SLC4A10: variants seen among roughly 807,000 people sequenced by gnomAD.
SLC4A10 encodes solute carrier family 4 member 10.
In SLC4A10, 42 loss-of-function variants were observed where a neutral mutation model predicts 137.7. The observed-to-expected ratio is 0.30, with a 90% CI of 0.24 to 0.39. SLC4A10 has a LOEUF of 0.39. Among genes scored for constraint, SLC4A10 ranks in the 10% least tolerant of loss-of-function variants. The pLI is 1.00. For synonymous variants in SLC4A10, 474 were observed against 464.1 expected (o/e 1.02, Z -0.27); for missense variants, 925 against 1,355.0 (o/e 0.68, Z 4.98).
intron 1 of SLC4A10, among the ~76,000 whole-genome samples, chr2:161,692,067 T>C (rs1259577011): frequency 1.3e-5 from 2 of 151,772 alleles, no homozygotes; most frequent in East Asian, 1.9e-4. Context: ...TTGGGGAAAA[T>C]TTTATTTAGG....
At chr2:161,755,430 A>G (rs1210960559) in intron 1 of SLC4A10, among the ~76,000 whole-genome samples, 1 of 152,148 alleles carries the variant, frequency 6.6e-6, no homozygotes, top group East Asian at 1.9e-4. Flanking sequence ...AACCTTTGGG[A>G]AGTTGAGTTT....
chr2:161,825,232 T>G (rs1199057261), intron 3 of SLC4A10, among the ~76,000 whole-genome samples: 1 of 152,192 alleles, frequency 6.6e-6, no homozygotes, highest in Non-Finnish European at 1.5e-5. Context: ...CTTTAAGACC[T>G]GTGTTATTCA....
intron 1 of SLC4A10, among the ~76,000 whole-genome samples, chr2:161,681,313 C>T (rs1284622850): frequency 6.6e-6 from 1 of 152,084 alleles, no homozygotes; most frequent in African/African-American, 2.4e-5. Context: ...GGCATTCATC[C>T]AGCTAGAATC....
At chr2:161,829,953 T>G (rs2058324497) in intron 3 of SLC4A10, among the ~76,000 whole-genome samples, 1 of 152,142 alleles carries the variant, frequency 6.6e-6, no homozygotes, top group African/African-American at 2.4e-5. Context: ...ATGGGGAAAC[T>G]GTCCCCATGA....
intron 1 of SLC4A10, among the ~76,000 whole-genome samples, chr2:161,646,729 A>G (rs1215795809): frequency 2.0e-5 from 3 of 152,016 alleles, no homozygotes; most frequent in Non-Finnish European, 4.4e-5. Context: ...TAACTAGAAA[A>G]TTATTTCTTC....
intron 1 of SLC4A10, among the ~76,000 whole-genome samples, chr2:161,629,291 A>G (rs1452622978): frequency 1.3e-5 from 2 of 151,324 alleles, no homozygotes; most frequent in Admixed American, 6.6e-5. Flanking sequence ...TCGCACCACA[A>G]ACAGTTGTCT....
intron 23 of SLC4A10, among the ~76,000 whole-genome samples, chr2:161,974,006 A>G (rs1698984475): frequency 6.6e-6 from 1 of 152,196 alleles, no homozygotes; most frequent in African/African-American, 2.4e-5. Context: ...TTTTTTATTG[A>G]GTGACATGAA....
chr2:161,740,032 C>T (rs1179650904), intron 1 of SLC4A10, among the ~76,000 whole-genome samples: 1 of 152,128 alleles, frequency 6.6e-6, no homozygotes, highest in Non-Finnish European at 1.5e-5. Flanking sequence ...GGCTACTGCC[C>T]ACAAGTCAGT....
At chr2:161,776,349 C>A (rs1366598202) in intron 2 of SLC4A10, among the ~76,000 whole-genome samples, 1 of 151,898 alleles carries the variant, frequency 6.6e-6, no homozygotes, top group Non-Finnish European at 1.5e-5. Flanking sequence ...GCTATACAAA[C>A]AATAACTCCC....
chr2:161,819,214 A>G (rs1300300633), intron 3 of SLC4A10, among the ~76,000 whole-genome samples: 4 of 152,076 alleles, frequency 2.6e-5, no homozygotes, highest in South Asian at 4.2e-4. Flanking sequence ...TGCTTACATC[A>G]TAGGAAAACA....
intron 1 of SLC4A10, among the ~76,000 whole-genome samples, chr2:161,670,293 T>TTCC (rs2039539637): frequency 3.4e-5 from 3 of 88,088 alleles, no homozygotes; most frequent in Non-Finnish European, 2.6e-5. Flanking sequence ...CTTCCTCCCT[T>TTCC]TCATCTTCTT....
At chr2:161,660,812 C>T (rs1336874411) in intron 1 of SLC4A10, among the ~76,000 whole-genome samples, 2 of 151,356 alleles carry the variant, frequency 1.3e-5, no homozygotes, top group Admixed American at 6.6e-5. Flanking sequence ...CACCACCACA[C>T]CCAGCTAATT....
intron 23 of SLC4A10, among the ~76,000 whole-genome samples, chr2:161,967,848 G>A (rs556941964): frequency 6.6e-6 from 1 of 151,726 alleles, no homozygotes; most frequent in South Asian, 2.1e-4. Context: ...CACAGTCTCC[G>A]AGAACCTATC....
At chr2:161,670,502 G>A (rs2039568508) in intron 1 of SLC4A10, among the ~76,000 whole-genome samples, 3 of 151,904 alleles carry the variant, frequency 2.0e-5, no homozygotes, top group Non-Finnish European at 4.4e-5. Context: ...TGTATCTCAG[G>A]TTTTGAGTCC....
At position 161,949,269 on chromosome 2, in the gene SLC4A10, C is replaced by A; in HGVS notation, c.2379+8C>A. 6.5e-7 allele frequency: 1 copy of A among 1,528,350 alleles called. No homozygotes were observed. The highest frequency in any genetic ancestry group is 9.1e-7 in the Non-Finnish European group (1 of 1,103,254). 94.7% of individuals were successfully genotyped at this position (1,528,350 alleles called of 1,614,324 possible). ...GTACCAAGTGTTTTCAAGGTACTTA[C>A]TATCTCTCTCCCTCTTCCCATCTCT... is the stretch of plus-strand genomic sequence containing the variant. On this transcript the variant is annotated splice_region_variant and intron_variant, in intron 18 of 26. Coordinates refer to ENST00000446997, the MANE Select transcript of SLC4A10 (RefSeq NM_001178015.2).
chr2:161,693,669 C>CTTTT (rs774199734), intron 1 of SLC4A10, among the ~76,000 whole-genome samples: 1 of 115,218 alleles, frequency 8.7e-6, no homozygotes, highest in African/African-American at 3.3e-5. Flanking sequence ...ACAAATTCGA[C>CTTTT]TTTTTTTTTT....
At chr2:161,942,694 A>G in intron 15 of SLC4A10, 98 bp from the exon 16 acceptor site, 1 of 855,346 alleles carries the variant, frequency 1.2e-6, no homozygotes, top group Non-Finnish European at 1.9e-6. Flanking sequence ...AAATAGAGGA[A>G]TGCTGTGACT....
chr2:161,709,516 A>G (rs2044056387), intron 1 of SLC4A10, among the ~76,000 whole-genome samples: 1 of 151,648 alleles, frequency 6.6e-6, no homozygotes. Flanking sequence ...TTCATAGAAG[A>G]AAGGAGACTA....
intron 15 of SLC4A10, among the ~76,000 whole-genome samples, chr2:161,938,823 C>T (rs566744000): frequency 6.6e-6 from 1 of 150,990 alleles, no homozygotes; most frequent in East Asian, 1.9e-4. Context: ...TTATTTTTTT[C>T]AAGTACATTT....
Sources: allele counts gnomAD v4.1 joint callset (sites outside exome capture counted in the v4.1 genomes callset), GRCh38; gene constraint gnomAD v4.1.1; transcripts MANE v1.5; gene names NCBI Gene and HGNC (gene_info 2026-07-23, HGNC 2026-07-21).